AIM2: variants seen among roughly 807,000 people sequenced by gnomAD.
AIM2 encodes absent in melanoma 2.
In AIM2, 30 loss-of-function variants were observed where a neutral mutation model predicts 27.7. The observed-to-expected ratio is 1.08, with a 90% CI of 0.81 to 1.47. AIM2 has a LOEUF of 1.47. Among genes scored for constraint, AIM2 ranks in the 40% most tolerant of loss-of-function variants. The pLI, the probability that AIM2 is intolerant of heterozygous loss-of-function variation, is 0.00. For missense variants in AIM2, 358 were observed against 411.3 expected (o/e 0.87, Z 1.12); for synonymous variants, 141 against 145.3 (o/e 0.97, Z 0.21).
At chr1:159,126,648 CAAAAAAA>C (rs35354479) in intron 1 of AIM2, among the ~76,000 whole-genome samples, 6 of 113,680 alleles carry the variant, frequency 5.3e-5, no homozygotes, top group Non-Finnish European at 1.0e-4. Context: ...GACTACGTCT[CAAAAAAA>C]AAAAAAAAAA....
intron 1 of AIM2, among the ~76,000 whole-genome samples, chr1:159,092,815 G>C (rs1394853428): frequency 6.6e-6 from 1 of 152,028 alleles, no homozygotes; most frequent in African/African-American, 2.4e-5. Context: ...ATTGAGGTCA[G>C]GAGTTCGAAA....
chr1:159,062,197 T>C (rs1019974360), downstream of AIM2, among the ~76,000 whole-genome samples: 2 of 152,222 alleles, frequency 1.3e-5, no homozygotes, highest in African/African-American at 4.8e-5. Flanking sequence ...TAACACAAAA[T>C]TGTGTTATTA....
intron 5 of AIM2, 123 bp downstream of exon 5, chr1:159,063,363 C>A: frequency 1.1e-6 from 1 of 883,720 alleles, no homozygotes; most frequent in Non-Finnish European, 1.7e-6. Flanking sequence ...GTGAGATGAA[C>A]GTGTACTAAA....
chr1:159,078,003 G>C (rs1315012853), upstream of AIM2, among the ~76,000 whole-genome samples: 1 of 152,206 alleles, frequency 6.6e-6, no homozygotes, highest in Non-Finnish European at 1.5e-5. Context: ...TGCTCAAGGA[G>C]CAGAGGAAGA....
At chr1:159,117,225 G>A (rs532386266) in intron 1 of AIM2, among the ~76,000 whole-genome samples, 4 of 152,234 alleles carry the variant, frequency 2.6e-5, no homozygotes, top group South Asian at 2.1e-4. Context: ...GTGTGCGCAC[G>A]AGAGAGAAAG....
chr1:159,085,711 C>A (rs905753198), intron 1 of AIM2, among the ~76,000 whole-genome samples: 1 of 152,094 alleles, frequency 6.6e-6, no homozygotes, highest in Admixed American at 6.5e-5. Flanking sequence ...CTCCAAGCCA[C>A]GTAGAGCTCA....
downstream of AIM2, among the ~76,000 whole-genome samples, chr1:159,059,867 C>T (rs1410803163): frequency 1.3e-5 from 2 of 152,114 alleles, no homozygotes; most frequent in African/African-American, 2.4e-5. Context: ...ATGCCTTGAT[C>T]GCACCGTGTC....
At chr1:159,126,198 A>G (rs972009404) in intron 1 of AIM2, among the ~76,000 whole-genome samples, 6 of 152,196 alleles carry the variant, frequency 3.9e-5, no homozygotes, top group Non-Finnish European at 5.9e-5. Context: ...AAGTCAGGGA[A>G]GGACGAAGGA....
At chr1:159,137,218 A>G (rs1329815100) in intron 1 of AIM2, among the ~76,000 whole-genome samples, 1 of 152,168 alleles carries the variant, frequency 6.6e-6, no homozygotes, top group South Asian at 2.1e-4. Context: ...TTGATGGAAT[A>G]GTTTTTGTTG....
At chr1:159,104,584 A>G (rs1657387835) in intron 1 of AIM2, among the ~76,000 whole-genome samples, 1 of 152,246 alleles carries the variant, frequency 6.6e-6, no homozygotes, top group Non-Finnish European at 1.5e-5. Flanking sequence ...AAGACTTAAT[A>G]CAAAAAATGT....
intron 1 of AIM2, among the ~76,000 whole-genome samples, chr1:159,099,639 G>A (rs945852995): frequency 1.3e-5 from 2 of 152,138 alleles, no homozygotes; most frequent in Admixed American, 1.3e-4. Flanking sequence ...TGTCTGCTCA[G>A]ATCAGCAACC....
At chr1:159,137,512 C>T (rs975817211) in intron 1 of AIM2, among the ~76,000 whole-genome samples, 1 of 152,028 alleles carries the variant, frequency 6.6e-6, no homozygotes, top group African/African-American at 2.4e-5. Flanking sequence ...CAAAAATTAG[C>T]CGGGCATGTT....
chr1:159,094,494 C>T lies in AIM2; in HGVS notation c.-15-28165G>A, dbSNP rs183536451. ...GGTGGATCACTTGAGGTCAGGAGTT[C>T]GAGACCAGCCTGGCCAACATGGTGA... On this transcript the variant is annotated intron_variant, in intron 1 of 2. Coordinates refer to the AIM2 transcript ENST00000368129. Among the ~76,000 whole-genome samples the T allele has an allele frequency of 9.9e-3, 1,510 of 152,170 alleles. 13 individuals are homozygous for T. The highest frequency in any genetic ancestry group is 0.017 in the Non-Finnish European group (1,189 of 67,990).
At chr1:159,109,068 A>G (rs988092105) in intron 1 of AIM2, among the ~76,000 whole-genome samples, 6 of 152,192 alleles carry the variant, frequency 3.9e-5, no homozygotes, top group Non-Finnish European at 8.8e-5. Context: ...GAACCAAAAA[A>G]CAGCTCACAT....
At chr1:159,121,887 C>G (rs1033711213) in intron 1 of AIM2, among the ~76,000 whole-genome samples, 1 of 152,100 alleles carries the variant, frequency 6.6e-6, no homozygotes, top group African/African-American at 2.4e-5. Flanking sequence ...AAACATCTGT[C>G]CTTGATTTCT....
chr1:159,080,654 T>A (rs1656755477), upstream of AIM2, among the ~76,000 whole-genome samples: 1 of 152,120 alleles, frequency 6.6e-6, no homozygotes, highest in African/African-American at 2.4e-5. Flanking sequence ...TTCTGACAGG[T>A]TCCTGGGTGA....
downstream of AIM2, among the ~76,000 whole-genome samples, chr1:159,060,087 A>G (rs1007191397): frequency 6.6e-6 from 1 of 152,216 alleles, no homozygotes; most frequent in Non-Finnish European, 1.5e-5. Context: ...CCGACATTTT[A>G]GGTTAAATAC....
chr1:159,072,181 G>C (rs542364420), intron 2 of AIM2, among the ~76,000 whole-genome samples: 1 of 152,188 alleles, frequency 6.6e-6, no homozygotes, highest in Non-Finnish European at 1.5e-5. Flanking sequence ...TGCCATCTAA[G>C]GGCCATCTCT....
At chr1:159,091,236 T>C (rs1489171120) in intron 1 of AIM2, among the ~76,000 whole-genome samples, 2 of 152,230 alleles carry the variant, frequency 1.3e-5, no homozygotes, top group African/African-American at 2.4e-5. Flanking sequence ...GGTTACATTT[T>C]TTATATTTAG....
Sources: allele counts gnomAD v4.1 joint callset (sites outside exome capture counted in the v4.1 genomes callset), GRCh38; gene constraint gnomAD v4.1.1; transcripts MANE v1.5; gene names NCBI Gene and HGNC (gene_info 2026-07-23, HGNC 2026-07-21).